Variants in SYNPR observed in about 807,000 individuals in gnomAD.
SYNPR encodes the protein synaptoporin.
A neutral mutation model predicts 32.9 loss-of-function variants in SYNPR; 23 were observed. The ratio of observed to expected loss-of-function variants is 0.70; its 90% CI spans 0.50 to 0.99. SYNPR has a LOEUF of 0.99. SYNPR is among the 50% of genes least tolerant of loss of function. The pLI is 0.00. For synonymous variants in SYNPR, 146 were observed against 135.9 expected (o/e 1.07, Z -0.52); for missense variants, 318 against 349.3 (o/e 0.91, Z 0.71).
chr3:63,429,891 T>C (rs1358001519), intron 2 of SYNPR, among the ~76,000 whole-genome samples: 1 of 152,236 alleles, frequency 6.6e-6, no homozygotes, highest in Non-Finnish European at 1.5e-5. Context: ...ACTTGGCTTC[T>C]TCTAATATGC....
intron 1 of SYNPR, among the ~76,000 whole-genome samples, chr3:63,229,796 T>C (rs1349182125): frequency 6.6e-6 from 1 of 151,092 alleles, no homozygotes; most frequent in Non-Finnish European, 1.5e-5. Context: ...TAAGAACTAT[T>C]ATGTTGGTTC....
chr3:63,234,983 A>G (rs532488077), intron 1 of SYNPR, among the ~76,000 whole-genome samples: 20 of 152,270 alleles, frequency 1.3e-4, no homozygotes, highest in Middle Eastern at 3.4e-3. Flanking sequence ...TCTCCCCCCA[A>G]TGGAGGACGT....
intron 2 of SYNPR, among the ~76,000 whole-genome samples, chr3:63,352,004 T>C (rs2087516616): frequency 6.6e-6 from 1 of 152,056 alleles, no homozygotes; most frequent in Non-Finnish European, 1.5e-5. Context: ...ATATGAAACC[T>C]GCTCTCTGGG....
At chr3:63,289,833 T>TA (rs1260001342) in intron 2 of SYNPR, among the ~76,000 whole-genome samples, 1 of 152,114 alleles carries the variant, frequency 6.6e-6, no homozygotes, top group African/African-American at 2.4e-5. Context: ...AAAAGACTAA[T>TA]AAAAAACTCC....
chr3:63,462,955 T>G (rs1263767460), intron 2 of SYNPR, among the ~76,000 whole-genome samples: 3 of 152,132 alleles, frequency 2.0e-5, no homozygotes, highest in African/African-American at 7.2e-5. Context: ...GAATGGATGT[T>G]GGGTTCCACT....
At chr3:63,552,184 C>T (rs1225344529) in intron 3 of SYNPR, among the ~76,000 whole-genome samples, 1 of 152,080 alleles carries the variant, frequency 6.6e-6, no homozygotes, top group Non-Finnish European at 1.5e-5. Flanking sequence ...AGGCATGAGC[C>T]ACCGCACCCG....
chr3:63,278,382 C>A lies in SYNPR; in HGVS notation c.-152C>A, dbSNP rs1295931432. The A allele has an allele frequency of 2.0e-6, 2 of 994,696 alleles. No homozygotes were observed. The highest frequency in any genetic ancestry group is 2.9e-6 in the Non-Finnish European group (2 of 690,866). The allele number at this position is 994,696 out of a possible 1,614,324, so 61.6% of individuals were successfully genotyped here. A position where few individuals can be genotyped will look rare whatever the true frequency, so the allele number is the denominator to read the frequency against. ...GCAGAGCCCAGCGTTAGCGGGTGGG[C>A]TCCCCGAGGCCCCCTGCCCTCGCCG... On this transcript the variant is annotated 5_prime_UTR_variant, in exon 1 of 6. Transcript: ENST00000478300.
At chr3:63,241,636 G>T (rs747070225) in intron 1 of SYNPR, among the ~76,000 whole-genome samples, 5 of 151,752 alleles carry the variant, frequency 3.3e-5, no homozygotes, top group African/African-American at 1.2e-4. Flanking sequence ...AAGTTGTTAC[G>T]CCTGGAACTG....
At position 63,477,459 on chromosome 3, in the gene SYNPR, C is replaced by G. The variant is rs539505507; in HGVS notation, c.85-3373C>G. On this transcript the variant is annotated intron_variant, in intron 2 of 5. Transcript: ENST00000478300. The stretch of plus-strand genomic sequence containing the variant: ...GCTCAGGGTCAGGTTCCTGCCCCAG[C>G]TGAGGGCAGAGGGGAGTGGGTGGAT... Among the ~76,000 whole-genome samples, 7 of 152,294 alleles carry G rather than the reference C, an allele frequency of 4.6e-5. No homozygotes were observed. In the South Asian group the frequency reaches 1.0e-3, roughly 23 times the overall value.
chr3:63,382,859 G>A (rs528829331), intron 2 of SYNPR, among the ~76,000 whole-genome samples: 2 of 152,262 alleles, frequency 1.3e-5, no homozygotes, highest in South Asian at 4.1e-4. Context: ...ATTGAAGAGA[G>A]GAGGGGTTTT....
intron 2 of SYNPR, chr3:63,452,068 C>G (rs1371930131): frequency 1.4e-6 from 1 of 702,210 alleles, no homozygotes; most frequent in Non-Finnish European, 2.6e-6. Flanking sequence ...CCTTCACACT[C>G]AAAGAAAGGG....
chr3:63,613,915 T>C lies in SYNPR; in HGVS notation c.601-1309T>C, dbSNP rs747494367. Among the ~76,000 whole-genome samples, 37 of 152,284 alleles carry C rather than the reference T, an allele frequency of 2.4e-4. No individual in the cohort carries two copies. The Middle Eastern group carries it at 0.01, about 42-fold the overall frequency. The stretch of plus-strand genomic sequence containing the variant: ...AGGGTGCCTTTGATTTCAAAGCCTA[T>C]AGAGATTTCTCCAAGCCTAAGATTC... On this transcript the variant is annotated intron_variant, in intron 5 of 5. Coordinates refer to ENST00000478300, the MANE Select transcript of SYNPR (RefSeq NM_001130003.2).
At chr3:63,370,369 G>A (rs890356734) in intron 2 of SYNPR, among the ~76,000 whole-genome samples, 3 of 152,062 alleles carry the variant, frequency 2.0e-5, no homozygotes, top group African/African-American at 7.2e-5. Flanking sequence ...CTCCCATCTG[G>A]GATTTATTTA....
chr3:63,222,806 C>T, the SYNPR span, among the ~76,000 whole-genome samples: 2 of 152,240 alleles, frequency 1.3e-5, no homozygotes, highest in Admixed American at 6.5e-5. Flanking sequence ...CATGAGCCAC[C>T]GTGCCCTGTC....
At chr3:63,375,099 A>G (rs1011285570) in intron 2 of SYNPR, among the ~76,000 whole-genome samples, 1 of 152,242 alleles carries the variant, frequency 6.6e-6, no homozygotes, top group African/African-American at 2.4e-5. Flanking sequence ...GCAGAGAAAT[A>G]GGAACACTTT....
At chr3:63,589,574 G>A (rs945114755) in intron 4 of SYNPR, among the ~76,000 whole-genome samples, 1 of 150,540 alleles carries the variant, frequency 6.6e-6, no homozygotes, top group Non-Finnish European at 1.5e-5. Context: ...CTGGCAAACC[G>A]AATCCAGCAG....
intron 3 of SYNPR, among the ~76,000 whole-genome samples, chr3:63,491,580 G>C (rs1701257907): frequency 6.6e-6 from 1 of 152,074 alleles, no homozygotes; most frequent in African/African-American, 2.4e-5. Context: ...GAGGGCAATG[G>C]TGCAATCTGG....
At chr3:63,596,250 A>C (rs554232994) in intron 4 of SYNPR, among the ~76,000 whole-genome samples, 2 of 142,240 alleles carry the variant, frequency 1.4e-5, no homozygotes, top group Admixed American at 7.1e-5. Flanking sequence ...CTCATCCTCA[A>C]TTCCTTCCCC....
intron 2 of SYNPR, among the ~76,000 whole-genome samples, chr3:63,297,519 T>A (rs1226474502): frequency 1.3e-5 from 2 of 152,248 alleles, no homozygotes; most frequent in South Asian, 2.1e-4. Flanking sequence ...AATGGTATAC[T>A]TTTATTTGGG....
Sources: gnomAD v4.1 joint callset for allele counts (sites outside exome capture counted in the v4.1 genomes callset) on GRCh38, gnomAD v4.1.1 for gene constraint, MANE v1.5 for transcripts, NCBI Gene and HGNC (gene_info 2026-07-23, HGNC 2026-07-21) for gene names.